LYRM4: variants seen among roughly 807,000 people sequenced by gnomAD.
LYRM4 encodes LYR motif-containing protein 4.
LYRM4 carries 9 observed loss-of-function variants against 11.7 expected under a neutral mutation model. The observed-to-expected ratio is 0.77, with a 90% CI of 0.46 to 1.34. The LOEUF (loss-of-function observed/expected upper bound fraction) is 1.34, where lower values mean the gene tolerates loss of function less well. Among genes scored for constraint, LYRM4 ranks in the 40% most tolerant of loss-of-function variants. The probability of loss-of-function intolerance (pLI) is 0.00; values close to 1 mark genes in which losing one functional copy is unlikely to be tolerated. For missense variants in LYRM4, 133 were observed against 112.5 expected (o/e 1.18, Z -0.82); for synonymous variants, 42 against 40.4 (o/e 1.04, Z -0.15).
rs1561899027 is a variant in LYRM4, at chr6:5,245,116, ATATATATATATATATATAT to A, written c.86+15513_86+15531del. On this transcript the variant is annotated intron_variant, in intron 1 of 2. Transcript: ENST00000330636. ...AAAAAAAAAAAAAAAAAAAAAAAATATATATATATATATATATATATATATATATATATATATATATATA... is the reference window on the plus strand; with the variant it reads ...AAAAAAAAAAAAAAAAAAAAAAAATAATATATATATATATATATATATATA... Among the ~76,000 whole-genome samples the A allele has an allele frequency of 7.5e-3, 110 of 14,718 alleles. 7 individuals carry two copies. The highest frequency in any genetic ancestry group is 0.029 in the African/African-American group (96 of 3,296). The allele number at this position is 14,718 out of a possible 152,430, so 9.7% of individuals were successfully genotyped here. A position where few individuals can be genotyped will look rare whatever the true frequency, so the allele number is the denominator to read the frequency against.
the LYRM4 span, among the ~76,000 whole-genome samples, chr6:5,061,187 A>G: frequency 4.1e-4 from 63 of 152,252 alleles, no homozygotes; most frequent in African/African-American, 1.5e-3. Flanking sequence ...TTAATTTTTA[A>G]TCCTTCATTT....
chr6:5,038,928 G>C, the LYRM4 span, among the ~76,000 whole-genome samples: 2 of 144,302 alleles, frequency 1.4e-5, no homozygotes, highest in African/African-American at 5.4e-5. Context: ...GAGAGGGAGA[G>C]GGAGAGCTTT....
intron 2 of LYRM4, among the ~76,000 whole-genome samples, chr6:5,186,352 A>C (rs376555801): frequency 2.0e-5 from 3 of 152,232 alleles, no homozygotes; most frequent in East Asian, 3.8e-4. Flanking sequence ...CAGACCAGTC[A>C]CTTCAGCAAA....
intron 1 of LYRM4, among the ~76,000 whole-genome samples, chr6:5,239,901 T>C (rs540677615): frequency 6.6e-6 from 1 of 152,158 alleles, no homozygotes; most frequent in East Asian, 1.9e-4. Flanking sequence ...TAGGGAACAG[T>C]ACCTGGCCAT....
At chr6:5,211,542 A>G (rs1348536341) in intron 2 of LYRM4, among the ~76,000 whole-genome samples, 1 of 152,204 alleles carries the variant, frequency 6.6e-6, no homozygotes, top group Admixed American at 6.5e-5. Context: ...CTTTCCAATG[A>G]TCTTTAATGG....
intron 2 of LYRM4, among the ~76,000 whole-genome samples, chr6:5,112,344 A>C (rs1014136911): frequency 1.3e-5 from 2 of 152,212 alleles, no homozygotes; most frequent in Non-Finnish European, 2.9e-5. Flanking sequence ...CCTGGTAGAC[A>C]ACACTGCTCA....
intron 2 of LYRM4, among the ~76,000 whole-genome samples, chr6:5,131,772 T>C (rs1763965831): frequency 6.6e-6 from 1 of 152,250 alleles, no homozygotes; most frequent in South Asian, 2.1e-4. Flanking sequence ...CACAGAGCTG[T>C]CCATAGCTTT....
intron 1 of LYRM4, among the ~76,000 whole-genome samples, chr6:5,220,364 C>A (rs186795804): frequency 6.6e-6 from 1 of 152,196 alleles, no homozygotes; most frequent in Non-Finnish European, 1.5e-5. Flanking sequence ...CCTTTCATTT[C>A]TGTCATCTTC....
intron 2 of LYRM4, among the ~76,000 whole-genome samples, chr6:5,169,989 C>T (rs1000262974): frequency 1.3e-5 from 2 of 152,188 alleles, no homozygotes; most frequent in African/African-American, 4.8e-5. Flanking sequence ...CAGGGTCACG[C>T]AGACAACAAC....
At chr6:5,206,212 A>C (rs1761687985) in intron 2 of LYRM4, among the ~76,000 whole-genome samples, 1 of 152,248 alleles carries the variant, frequency 6.6e-6, no homozygotes, top group Admixed American at 6.5e-5. Flanking sequence ...TTTCAGAACC[A>C]GAAAATGTCA....
the LYRM4 span, among the ~76,000 whole-genome samples, chr6:5,063,891 T>C: frequency 1.3e-5 from 2 of 152,186 alleles, no homozygotes; most frequent in African/African-American, 4.8e-5. Flanking sequence ...CATGCGCTGG[T>C]CCCAGGAACT....
intron 2 of LYRM4, among the ~76,000 whole-genome samples, chr6:5,209,659 T>C (rs1761889245): frequency 6.6e-6 from 1 of 152,176 alleles, no homozygotes; most frequent in Non-Finnish European, 1.5e-5. Context: ...CATAATTCCA[T>C]GGTAACTCCC....
At chr6:5,191,389 C>T (rs1030451109) in intron 2 of LYRM4, among the ~76,000 whole-genome samples, 3 of 152,156 alleles carry the variant, frequency 2.0e-5, no homozygotes, top group Non-Finnish European at 2.9e-5. Context: ...GCCAGACTGA[C>T]CCCATGTCTC....
the LYRM4 span, among the ~76,000 whole-genome samples, chr6:5,072,381 AG>A: frequency 6.6e-6 from 1 of 152,174 alleles, no homozygotes; most frequent in Admixed American, 6.5e-5. Context: ...TTCTGCTTCT[AG>A]GTCTCTGAGG....
intron 2 of LYRM4, among the ~76,000 whole-genome samples, chr6:5,117,710 A>G (rs557708845): frequency 2.0e-5 from 3 of 152,166 alleles, no homozygotes; most frequent in Admixed American, 2.0e-4. Flanking sequence ...TTTCCCTGCC[A>G]GATGTGGTAG....
chr6:5,231,420 T>C (rs1310833394), intron 1 of LYRM4, among the ~76,000 whole-genome samples: 2 of 152,286 alleles, frequency 1.3e-5, no homozygotes, highest in Middle Eastern at 3.4e-3. Context: ...TGGGCCTCTG[T>C]TCCCTCAATC....
At chr6:5,249,576 G>T (rs951095482) in intron 1 of LYRM4, among the ~76,000 whole-genome samples, 1 of 152,116 alleles carries the variant, frequency 6.6e-6, no homozygotes, top group Non-Finnish European at 1.5e-5. Flanking sequence ...GAGAACCTAT[G>T]AAACCACACA....
At chr6:5,041,859 A>G in the LYRM4 span, among the ~76,000 whole-genome samples, 1 of 152,268 alleles carries the variant, frequency 6.6e-6, no homozygotes, top group Non-Finnish European at 1.5e-5. Flanking sequence ...GATGGTTTCT[A>G]TAAACAAAGG....
chr6:5,139,055 T>G lies in LYRM4; in HGVS notation c.208-29564A>C, dbSNP rs138435920. Among the ~76,000 whole-genome samples the G allele has an allele frequency of 2.3e-3, 350 of 152,366 alleles. 1 individual carries two copies. Among genetic ancestry groups the G allele is most frequent in the African/African-American group, 8.2e-3 (340 of 41,588 alleles). The stretch of plus-strand genomic sequence containing the variant: ...CCTACTATGTTCTAGGCACTTATGC[T>G]AGGTACTTTGTAGATGTAATTGAAT... On this transcript the variant is annotated intron_variant, in intron 2 of 2. Coordinates refer to ENST00000330636, the MANE Select transcript of LYRM4 (RefSeq NM_020408.6).
Sources: gnomAD v4.1 joint callset for allele counts (sites outside exome capture counted in the v4.1 genomes callset) on GRCh38, gnomAD v4.1.1 for gene constraint, MANE v1.5 for transcripts, NCBI Gene and HGNC (gene_info 2026-07-23, HGNC 2026-07-21) for gene names.